The following LAMC1 variants were observed in gnomAD, a reference collection of about 807,000 sequenced individuals.
LAMC1 encodes the protein laminin subunit gamma 1, also known as laminin subunit gamma-1.
LAMC1 carries 38 observed loss-of-function variants against 173.6 expected under a neutral mutation model. That is an observed-to-expected ratio of 0.22 (90% CI 0.17 to 0.29). The LOEUF (loss-of-function observed/expected upper bound fraction) is 0.29. Among genes scored for constraint, LAMC1 ranks in the 10% least tolerant of loss-of-function variants. LAMC1 has a pLI of 1.00. For synonymous variants in LAMC1, 746 were observed against 749.1 expected (o/e 1.00, Z 0.07); for missense variants, 1,824 against 2,051.8 (o/e 0.89, Z 2.14).
At chr1:183,132,269 G>A in intron 20 of LAMC1, 131 bp from the exon 21 acceptor site, 1 of 604,294 alleles carries the variant, frequency 1.7e-6, no homozygotes, top group Middle Eastern at 4.9e-4. Flanking sequence ...ACCAGCCTGG[G>A]TGACAGAGCG....
chr1:183,123,618 C>T (rs1180310204), intron 13 of LAMC1, among the ~76,000 whole-genome samples: 5 of 152,150 alleles, frequency 3.3e-5, no homozygotes, highest in Admixed American at 3.3e-4. Context: ...CTTTCCCTAC[C>T]CACCAATATA....
chr1:183,138,694 TA>T (rs1345355713), intron 26 of LAMC1: 3 of 152,052 alleles, frequency 2.0e-5, no homozygotes, highest in Non-Finnish European at 4.4e-5. Flanking sequence ...TTTTTACAGG[TA>T]GGGGGGTGGA....
chr1:183,119,759 G>C lies in LAMC1; in HGVS notation c.1990+1613G>C, dbSNP rs544791497. On this transcript the variant is annotated intron_variant, in intron 11 of 27. Transcript: ENST00000258341. ...AAAAAAAAGTAAAATAAATAAATAA[G>C]AGCCAAGGGAGAAAAAGAATTTTAA... 1.2e-4 allele frequency among the ~76,000 whole-genome samples: 19 copies of C among 152,140 alleles called. 1 individual carries two copies. The Middle Eastern group carries it at 0.014, about 109-fold the overall frequency.
chr1:183,087,710 A>G (rs539887054), intron 1 of LAMC1, among the ~76,000 whole-genome samples: 10 of 152,254 alleles, frequency 6.6e-5, no homozygotes, highest in Admixed American at 2.0e-4. Context: ...TAAGATCCCA[A>G]TAGAGGACTA....
intron 1 of LAMC1, among the ~76,000 whole-genome samples, chr1:183,062,550 G>A (rs1204681342): frequency 6.6e-6 from 1 of 152,168 alleles, no homozygotes; most frequent in Non-Finnish European, 1.5e-5. Context: ...TACTCGGGAG[G>A]CTGTGGCATG....
rs20561 is a variant in LAMC1 at position 183,136,570 on chromosome 1, G to T, written c.4299G>T (p.Ala1433=). 3 of 1,606,244 alleles carry T rather than the reference G, an allele frequency of 1.9e-6. No individual in the cohort carries two copies. Among genetic ancestry groups the T allele is most frequent in the Non-Finnish European group, 2.6e-6 (3 of 1,175,792 alleles). Residue 1433 remains alanine, a synonymous_variant, in exon 25 of 28, where the codon GCG becomes GCT. Coordinates refer to ENST00000258341, the MANE Select transcript of LAMC1 (RefSeq NM_002293.4). ...AGGCCCATGAGGCGGAGAGGATCGC[G>T]AGCGCTGTCCAAAAGGTGTGCGTTT... ...KNKAHEAERI[A]SAVQKNATST...
chr1:183,108,157 T>G (rs1184343362), intron 2 of LAMC1, 119 bp from the exon 3 acceptor site: 2 of 817,346 alleles, frequency 2.4e-6, no homozygotes, highest in Non-Finnish European at 3.8e-6. Context: ...ATAGATTTAG[T>G]GCTAAAGAGG....
chr1:183,097,092 C>T (rs894633934), intron 1 of LAMC1, among the ~76,000 whole-genome samples: 7 of 152,252 alleles, frequency 4.6e-5, no homozygotes, highest in Admixed American at 1.3e-4. Context: ...GCAATCCATC[C>T]GCTGAGGTGG....
At chr1:183,056,143 G>T (rs1399439714) in intron 1 of LAMC1, among the ~76,000 whole-genome samples, 1 of 152,246 alleles carries the variant, frequency 6.6e-6, no homozygotes, top group Non-Finnish European at 1.5e-5. Flanking sequence ...ATGGGCTGTG[G>T]AGGCAGATGG....
chr1:183,136,208 T>C (rs1409608235), intron 24 of LAMC1, among the ~76,000 whole-genome samples, 178 bp from the exon 25 acceptor site: 1 of 152,216 alleles, frequency 6.6e-6, no homozygotes, highest in Non-Finnish European at 1.5e-5. Flanking sequence ...TCTATAACAC[T>C]AACTGGGAGA....
chr1:183,055,034 G>T (rs2102026634), intron 1 of LAMC1, among the ~76,000 whole-genome samples: 1 of 150,246 alleles, frequency 6.7e-6, no homozygotes, highest in Admixed American at 6.6e-5. Context: ...TGTTGCCTAG[G>T]CTGGAGTGCA....
At chr1:183,035,412 C>T (rs4129857) in intron 1 of LAMC1, among the ~76,000 whole-genome samples, 75,770 of 151,962 alleles carry the variant, frequency 0.5, 19,597 homozygotes, top group South Asian at 0.64. Flanking sequence ...GACCCGAACT[C>T]CTGGCCTCGA....
At chr1:183,140,624 CATTA>C (rs562737309) in intron 27 of LAMC1, 121 bp downstream of exon 27, 90 of 439,042 alleles carry the variant, frequency 2.0e-4, no homozygotes, top group African/African-American at 1.8e-3. Flanking sequence ...CCTTTTAAGT[CATTA>C]ATTAAATTAT....
At chr1:183,130,294 TATGATCCTCTTC>T in intron 18 of LAMC1, 38 bp from the exon 19 acceptor site, 4 of 1,471,742 alleles carry the variant, frequency 2.7e-6, no homozygotes, top group African/African-American at 1.4e-5. Flanking sequence ...TGTGAGATGA[TATGATCCTCTTC>T]AGATAATTTA....
chr1:183,098,827 C>A (rs1276681768), intron 1 of LAMC1, among the ~76,000 whole-genome samples: 32 of 152,210 alleles, frequency 2.1e-4, no homozygotes, highest in Admixed American at 2.1e-3. Flanking sequence ...CTGTAGAGAA[C>A]CAGTCTCCCA....
In LAMC1 at chr1:183,103,416, C is replaced by T. The variant is rs144662217; in HGVS notation, c.507C>T (p.Asp169=). The change falls in exon 2 of 28, where the codon GAC becomes GAT. Residue 169 remains aspartate (D), a synonymous_variant. Coordinates refer to ENST00000258341, the MANE Select transcript of LAMC1 (RefSeq NM_002293.4). The part of the protein sequence containing the change: ...SFAIYKRTRE[D]GPWIPYQYYS... ...CCATTTACAAGCGCACACGGGAAGA[C>T]GGGCCCTGGATTCCTTACCAGTACT... 4.1e-4 allele frequency: 662 copies of T among 1,614,170 alleles called. No homozygotes were observed. The highest frequency in any genetic ancestry group is 3.8e-3 in the Middle Eastern group (23 of 6,062).
chr1:183,052,578 G>T (rs1245038821), intron 1 of LAMC1, among the ~76,000 whole-genome samples: 1 of 151,968 alleles, frequency 6.6e-6, no homozygotes, highest in Non-Finnish European at 1.5e-5. Context: ...CAGGTAATCC[G>T]CCTGCCTCAG....
chr1:183,115,759 A>G (rs573522765), intron 6 of LAMC1, 122 bp downstream of exon 6: 62 of 723,090 alleles, frequency 8.6e-5, no homozygotes, highest in African/African-American at 8.2e-4. Flanking sequence ...TGTCAACAAG[A>G]CTGAGGACTA....
At chr1:183,101,749 C>T (rs1655839230) in intron 1 of LAMC1, among the ~76,000 whole-genome samples, 2 of 152,050 alleles carry the variant, frequency 1.3e-5, no homozygotes, top group South Asian at 4.1e-4. Context: ...GAACTCAGGT[C>T]TCAAAATGCC....
Sources: gnomAD v4.1 joint callset for allele counts (sites outside exome capture counted in the v4.1 genomes callset) on GRCh38, gnomAD v4.1.1 for gene constraint, MANE v1.5 for transcripts, NCBI Gene and HGNC (gene_info 2026-07-23, HGNC 2026-07-21) for gene names.